Variants in SCN3A observed in about 807,000 individuals in gnomAD.
SCN3A encodes the protein sodium channel protein type 3 subunit alpha.
A neutral mutation model predicts 187.6 loss-of-function variants in SCN3A; 60 were observed. That is an observed-to-expected ratio of 0.32 (90% CI 0.26 to 0.40). The LOEUF is 0.40. Ranked by LOEUF, SCN3A falls within the 10% of genes least tolerant of loss-of-function variation. SCN3A has a pLI of 1.00. For synonymous variants in SCN3A, 788 were observed against 829.2 expected (o/e 0.95, Z 0.85); for missense variants, 1,601 against 2,428.2 (o/e 0.66, Z 7.16).
chr2:165,176,094 A>T (rs1559263601), intron 3 of SCN3A, 37 bp downstream of exon 3: 2 of 1,598,996 alleles, frequency 1.3e-6, no homozygotes, highest in Admixed American at 3.3e-5. Context: ...TAAGAGTTTC[A>T]TTAAAGATTT....
At chr2:165,166,014 C>G (rs150687830) in intron 5 of SCN3A, among the ~76,000 whole-genome samples, 1 of 152,142 alleles carries the variant, frequency 6.6e-6, no homozygotes, top group Non-Finnish European at 1.5e-5. Flanking sequence ...ACATAATCAC[C>G]GTGATATTTC....
Position 165,130,314 on chromosome 2 carries a change from G to A in SCN3A, c.2566-18C>T. 6.2e-7 allele frequency: 1 copy of A among 1,608,646 alleles called. No individual in the cohort carries two copies. On this transcript the variant is annotated intron_variant, in intron 16 of 27. Coordinates refer to ENST00000283254, the MANE Select transcript of SCN3A (RefSeq NM_006922.4). ...ACTCTAAGCTGTAATCAAGTGAAAA[G>A]ATGCTGTTAGTAGTAATCATAATAT...
rs754672365 is a variant in SCN3A at position 165,127,755 on chromosome 2, T to C, written c.3269A>G (p.Tyr1090Cys). ...VEKYVIDENDYMSFINNPSLT... is the reference protein window; with the variant it reads ...VEKYVIDENDCMSFINNPSLT... ...GCTGGGGTTGTTTATGAATGACATA[T>C]AATCATTTTCATCGATTACGTATTT... The change falls in exon 18 of 28, where the codon TAT becomes TGT. Residue 1090 changes from tyrosine to cysteine, a missense_variant. Physicochemically the swap from Tyr to Cys is radical, Grantham distance 194. Coordinates refer to ENST00000283254, the MANE Select transcript of SCN3A (RefSeq NM_006922.4). The C allele has an allele frequency of 6.2e-7, 1 of 1,614,204 alleles. No individual in the cohort carries two copies. Among genetic ancestry groups the C allele is most frequent in the Non-Finnish European group, 8.5e-7 (1 of 1,180,032 alleles).
intron 15 of SCN3A, among the ~76,000 whole-genome samples, chr2:165,136,476 C>G (rs777648129): frequency 2.6e-5 from 4 of 152,144 alleles, no homozygotes; most frequent in Non-Finnish European, 4.4e-5. Context: ...GTGACCTTCA[C>G]AACAACTCTG....
intron 15 of SCN3A, among the ~76,000 whole-genome samples, chr2:165,135,260 C>T (rs1687596743): frequency 1.3e-5 from 2 of 151,960 alleles, no homozygotes; most frequent in Non-Finnish European, 2.9e-5. Flanking sequence ...AAATACGGAG[C>T]ACCTTAGCAA....
In SCN3A at chr2:165,191,378, AC is replaced by A. The variant is rs553698122; in HGVS notation, c.-247-4632del. ...CTCTGCTCAGAAGCCCCCAGAAGCT[AC>A]CCAGAAAAAAAGTCCCAAATCCTTA... On this transcript the variant is annotated intron_variant, in intron 1 of 27. Transcript: ENST00000283254. Among the ~76,000 whole-genome samples, 392 of 152,202 alleles carry A rather than the reference AC, an allele frequency of 2.6e-3. 3 individuals are homozygous for A. The highest frequency in any genetic ancestry group is 4.4e-3 in the Admixed American group (67 of 15,262).
chr2:165,188,698 G>A (rs1395829163), intron 1 of SCN3A, among the ~76,000 whole-genome samples: 2 of 150,646 alleles, frequency 1.3e-5, no homozygotes, highest in Non-Finnish European at 1.5e-5. Context: ...GGAGGCTGAC[G>A]CACAGGAGAA....
chr2:165,108,774 G>A (rs901849801), intron 21 of SCN3A, among the ~76,000 whole-genome samples: 1 of 152,042 alleles, frequency 6.6e-6, no homozygotes, highest in Non-Finnish European at 1.5e-5. Context: ...GTATAGTAAG[G>A]TATATTTTGT....
intron 14 of SCN3A, 24 bp from the exon 15 acceptor site, chr2:165,138,141 A>T: frequency 6.5e-7 from 1 of 1,537,238 alleles, no homozygotes; most frequent in Non-Finnish European, 9.0e-7. Flanking sequence ...AACAAGGAAG[A>T]GTAGTAAATA....
intron 1 of SCN3A, among the ~76,000 whole-genome samples, chr2:165,193,064 A>G (rs2105974514): frequency 6.6e-6 from 1 of 152,270 alleles, no homozygotes; most frequent in South Asian, 2.1e-4. Context: ...TTTTGATATT[A>G]AAATCTAGAA....
intron 9 of SCN3A, among the ~76,000 whole-genome samples, chr2:165,161,058 G>C (rs978189092): frequency 1.3e-5 from 2 of 150,862 alleles, no homozygotes; most frequent in Non-Finnish European, 3.0e-5. Context: ...GAGAAGTTAG[G>C]ACTACACGTG....
In SCN3A at chr2:165,090,442, G is replaced by A. The variant is rs780334537; in HGVS notation, c.5711C>T (p.Ala1904Val). The change falls in exon 28 of 28, where the codon GCC (alanine) becomes GTC (valine). Residue 1904 changes from alanine (A) to valine (V), a missense_variant. Coordinates refer to ENST00000283254, the MANE Select transcript of SCN3A (RefSeq NM_006922.4). The surrounding 1 kb of genome is among the most constrained non-coding windows in gnomAD (Gnocchi z 4.0). ...TCTGAAATTACGCTGAATGATAGCG[G>A]CAGACACCTCCTCTTGTTTACGTTT... Reference protein sequence around the residue: ...TLKRKQEEVSAAIIQRNFRCY... With the variant: ...TLKRKQEEVSVAIIQRNFRCY... 6.2e-7 allele frequency: 1 copy of A among 1,613,814 alleles called. No homozygotes were observed. Among genetic ancestry groups the A allele is most frequent in the Admixed American group, 1.7e-5 (1 of 59,960 alleles).
chr2:165,109,288 TAGC>T (rs1434351070), intron 21 of SCN3A, among the ~76,000 whole-genome samples: 1 of 152,162 alleles, frequency 6.6e-6, no homozygotes, highest in Non-Finnish European at 1.5e-5. Context: ...AACAGGTTTG[TAGC>T]TTCAAATGCC....
intron 1 of SCN3A, among the ~76,000 whole-genome samples, chr2:165,192,631 C>T (rs1396513095): frequency 6.6e-6 from 1 of 152,086 alleles, no homozygotes; most frequent in Non-Finnish European, 1.5e-5. Context: ...TGTATATTTC[C>T]ATTCCTTAAA....
intron 17 of SCN3A, among the ~76,000 whole-genome samples, chr2:165,128,682 A>G (rs1687140664): frequency 6.6e-6 from 1 of 152,198 alleles, no homozygotes; most frequent in Admixed American, 6.5e-5. Context: ...TTCCCATCAA[A>G]TACACTTTGA....
At position 165,203,970 on chromosome 2, in the gene SCN3A, T is replaced by C. The variant is rs534641264; in HGVS notation, c.-395A>G. Reference sequence around the variant, plus strand: ...GAGGTTTACAAATTAGTTACAATTTTTTTTCTTTCTTTCTCTGTGGATAAG... The same window carrying C: ...GAGGTTTACAAATTAGTTACAATTTCTTTTCTTTCTTTCTCTGTGGATAAG... On this transcript the variant is annotated 5_prime_UTR_variant, in exon 1 of 28. Coordinates refer to ENST00000283254, the MANE Select transcript of SCN3A (RefSeq NM_006922.4). The C allele has an allele frequency of 2.0e-5, 3 of 151,138 alleles. No individual in the cohort carries two copies. In the East Asian group the frequency reaches 5.8e-4, roughly 29 times the overall value. 9.4% of individuals were successfully genotyped at this position (151,138 alleles called of 1,614,324 possible).
chr2:165,164,576 T>C (rs1418663245), intron 5 of SCN3A, 56 bp from the exon 6 acceptor site: 1 of 1,590,076 alleles, frequency 6.3e-7, no homozygotes, highest in East Asian at 2.3e-5. Flanking sequence ...TTAAAATAAA[T>C]GTTTTCAATC....
At chr2:165,197,124 A>C (rs1232469393) in intron 1 of SCN3A, among the ~76,000 whole-genome samples, 3 of 152,178 alleles carry the variant, frequency 2.0e-5, no homozygotes, top group Non-Finnish European at 4.4e-5. Flanking sequence ...AAACACATAA[A>C]TAAATGCCAG....
intron 1 of SCN3A, among the ~76,000 whole-genome samples, chr2:165,188,390 T>C (rs1336400065): frequency 1.3e-5 from 2 of 152,212 alleles, no homozygotes; most frequent in Non-Finnish European, 2.9e-5. Context: ...GCGTTATATC[T>C]TAATAAGAGT....
Sources: gnomAD v4.1 joint callset for allele counts (sites outside exome capture counted in the v4.1 genomes callset) on GRCh38, gnomAD v4.1.1 for gene constraint, Gnocchi (gnomAD v3.1) non-coding constraint, MANE v1.5 for transcripts, NCBI Gene and HGNC (gene_info 2026-07-23, HGNC 2026-07-21) for gene names.